Variants in RPAP2 observed in about 807,000 individuals in gnomAD.
RPAP2 encodes RNA polymerase II associated protein 2, also known as putative RNA polymerase II subunit B1 CTD phosphatase RPAP2.
RPAP2 carries 52 observed loss-of-function variants against 73.1 expected under a neutral mutation model. The observed-to-expected ratio is 0.71, with a 90% CI of 0.57 to 0.90. The LOEUF is 0.90. Ranked by LOEUF, RPAP2 falls within the 40% of genes least tolerant of loss-of-function variation. The pLI, the probability that RPAP2 is intolerant of heterozygous loss-of-function variation, is 0.00. For missense variants in RPAP2, 598 were observed against 701.8 expected, an observed-to-expected ratio of 0.85 and a Z score of 1.67; for synonymous variants, 225 against 242.1, an observed-to-expected ratio of 0.93 and a Z score of 0.65.
chr1:92,361,024 AC>A (rs943365479), intron 11 of RPAP2, among the ~76,000 whole-genome samples: 1 of 151,524 alleles, frequency 6.6e-6, no homozygotes, highest in African/African-American at 2.4e-5. Context: ...ACCTTCCATG[AC>A]CCACAAGTCG....
chr1:92,326,676 G>A (rs1005541916), intron 8 of RPAP2, among the ~76,000 whole-genome samples: 1 of 152,168 alleles, frequency 6.6e-6, no homozygotes, highest in African/African-American at 2.4e-5. Flanking sequence ...GGTCAGTGGA[G>A]CTATTCCAGG....
intron 10 of RPAP2, 66 bp downstream of exon 10, chr1:92,336,493 CA>C: frequency 9.2e-7 from 1 of 1,082,376 alleles, no homozygotes; most frequent in South Asian, 1.3e-5. Context: ...TTGCAGAATC[CA>C]AAGGCACAGA....
At position 92,345,915 on chromosome 1, in the gene RPAP2, G is replaced by C; in HGVS notation, c.1688+1G>C. 6.3e-7 allele frequency: 1 copy of C among 1,590,092 alleles called. No homozygotes were observed. The highest frequency in any genetic ancestry group is 8.6e-7 in the Non-Finnish European group (1 of 1,160,072). ...TAATTGCTATGGTGTTGCTGTCATT[G>C]TAAGTACTCTCTCAGATTTTAACTC... On this transcript the variant is annotated splice_donor_variant, in intron 11 of 12. Coordinates refer to ENST00000610020, the MANE Select transcript of RPAP2 (RefSeq NM_024813.3). LOFTEE classifies it high-confidence loss of function.
chr1:92,303,049 TA>T (rs1487582156), intron 3 of RPAP2, among the ~76,000 whole-genome samples: 6 of 152,108 alleles, frequency 3.9e-5, no homozygotes, highest in African/African-American at 1.2e-4. Flanking sequence ...AATTTGAGAA[TA>T]AAAAAATTTT....
intron 11 of RPAP2, among the ~76,000 whole-genome samples, chr1:92,355,443 C>T (rs1571116711): frequency 6.6e-6 from 1 of 152,196 alleles, no homozygotes; most frequent in East Asian, 1.9e-4. Flanking sequence ...TCAAAGGCTT[C>T]TGAAAGAGAT....
chr1:92,322,136 G>C (rs1652310361), intron 7 of RPAP2, among the ~76,000 whole-genome samples: 1 of 151,168 alleles, frequency 6.6e-6, no homozygotes, highest in Admixed American at 6.6e-5. Context: ...AGTAGAGACA[G>C]GGTTTCACTA....
chr1:92,318,975 A>G (rs184647876), intron 6 of RPAP2, among the ~76,000 whole-genome samples: 167 of 152,322 alleles, frequency 1.1e-3, no homozygotes, highest in African/African-American at 3.9e-3. Context: ...TAGGGGCTGT[A>G]TGATCAAAGG....
chr1:92,320,737 A>G, intron 7 of RPAP2, 103 bp downstream of exon 7: 1 of 808,066 alleles, frequency 1.2e-6, no homozygotes, highest in Non-Finnish European at 2.0e-6. Context: ...GTGCTGATGC[A>G]TTATGTAAGT....
In RPAP2 at chr1:92,394,402, CACCATGGCATGTGTAT is replaced by C. The variant is rs891502520; in HGVS notation, c.*7395_*7410del. 1.3e-5 allele frequency: 2 copies of C among 152,082 alleles called. No individual in the cohort carries two copies. Among genetic ancestry groups the C allele is most frequent in the African/African-American group, 4.8e-5 (2 of 41,380 alleles). The allele number at this position is 152,082 out of a possible 1,614,324, so 9.4% of individuals were successfully genotyped here. ...TGACAGGTTGGTGGGTGCAGCAAACCACCATGGCATGTGTATACCTATGTAACAAAACTACATGTTC... is the reference window on the plus strand; with the variant it reads ...TGACAGGTTGGTGGGTGCAGCAAACCACCTATGTAACAAAACTACATGTTC... On this transcript the variant is annotated 3_prime_UTR_variant, in exon 13 of 13. Transcript: ENST00000610020.
At chr1:92,329,626 C>G (rs976943863) in intron 8 of RPAP2, among the ~76,000 whole-genome samples, 1 of 152,140 alleles carries the variant, frequency 6.6e-6, no homozygotes, top group African/African-American at 2.4e-5. Flanking sequence ...CTCCACATGC[C>G]GCTCTGTCTG....
At position 92,396,656 on chromosome 1, in the gene RPAP2, G is replaced by GTGTGTGTA. The variant is rs1656190677; in HGVS notation, c.*9647_*9648insTGTGTATG. ...TTTATGTGTGTGTGTGTGTGTGTGT[G>GTGTGTGTA]TGAGATGGAGTTTCACTCTTGTTGC... On this transcript the variant is annotated 3_prime_UTR_variant, in exon 13 of 13. Coordinates refer to ENST00000610020, the MANE Select transcript of RPAP2 (RefSeq NM_024813.3). The GTGTGTGTA allele has an allele frequency of 6.6e-6, 1 of 152,080 alleles. No individual in the cohort carries two copies. Among genetic ancestry groups the GTGTGTGTA allele is most frequent in the Admixed American group, 6.6e-5 (1 of 15,226 alleles). 9.4% of individuals were successfully genotyped at this position (152,080 alleles called of 1,614,324 possible). A position where few individuals can be genotyped will look rare whatever the true frequency, so the allele number is the denominator to read the frequency against.
Position 92,300,339 on chromosome 1 carries a change from A to G in RPAP2, c.119+100A>G, listed in dbSNP as rs1650734483. 3.3e-6 allele frequency: 3 copies of G among 900,718 alleles called. No homozygotes were observed. The East Asian group carries it at 7.3e-5, about 22-fold the overall frequency. 55.8% of individuals were successfully genotyped at this position (900,718 alleles called of 1,614,324 possible). ...AATGGTTACCTTTTTTTTTTTAGAG[A>G]AAATTATCATGAGAGGGAAGGGAAA... On this transcript the variant is annotated intron_variant, in intron 2 of 12. Coordinates refer to ENST00000610020, the MANE Select transcript of RPAP2 (RefSeq NM_024813.3).
chr1:92,367,458 T>C (rs1279162012), intron 11 of RPAP2, among the ~76,000 whole-genome samples: 2 of 152,374 alleles, frequency 1.3e-5, no homozygotes, highest in South Asian at 2.1e-4. Context: ...ATTGAAGGTA[T>C]GGCTGTTTGA....
At chr1:92,320,366 T>C (rs1022541459) in intron 6 of RPAP2, among the ~76,000 whole-genome samples, 4 of 152,044 alleles carry the variant, frequency 2.6e-5, no homozygotes, top group African/African-American at 9.7e-5. Context: ...TCTGTCTCCC[T>C]GGTTCAAGCG....
chr1:92,313,414 T>C (rs1557594293), intron 6 of RPAP2, among the ~76,000 whole-genome samples: 1 of 151,410 alleles, frequency 6.6e-6, no homozygotes, highest in African/African-American at 2.4e-5. Context: ...AGGTACATTG[T>C]TAATAATCAG....
intron 10 of RPAP2, among the ~76,000 whole-genome samples, chr1:92,338,667 T>TA (rs397948397): frequency 2.2e-5 from 3 of 139,148 alleles, no homozygotes; most frequent in Non-Finnish European, 4.8e-5. Context: ...TTTTTTTTTT[T>TA]AAAGACAGGG....
At chr1:92,377,391 C>T (rs1655424295) in intron 11 of RPAP2, among the ~76,000 whole-genome samples, 2 of 152,078 alleles carry the variant, frequency 1.3e-5, no homozygotes, top group South Asian at 2.1e-4. Context: ...TGGTGGCACA[C>T]GCCTGTAGTC....
At chr1:92,368,891 T>C (rs988950016) in intron 11 of RPAP2, among the ~76,000 whole-genome samples, 4 of 152,194 alleles carry the variant, frequency 2.6e-5, no homozygotes, top group Non-Finnish European at 4.4e-5. Context: ...ACTTACCATA[T>C]GGTAAAGAAT....
chr1:92,375,850 T>A, intron 11 of RPAP2, among the ~76,000 whole-genome samples: 1 of 148,792 alleles, frequency 6.7e-6, no homozygotes, highest in African/African-American at 2.5e-5. Context: ...AAACAAAAAA[T>A]TTAGATGGGT....
Sources: gnomAD v4.1 joint callset for allele counts (sites outside exome capture counted in the v4.1 genomes callset) on GRCh38, gnomAD v4.1.1 for gene constraint, MANE v1.5 for transcripts, NCBI Gene and HGNC (gene_info 2026-07-23, HGNC 2026-07-21) for gene names.